CSMD1: variants seen among roughly 807,000 people sequenced by gnomAD.
CSMD1 encodes the protein CUB and Sushi multiple domains 1.
A neutral mutation model predicts 417.5 loss-of-function variants in CSMD1; 213 were observed. That is an observed-to-expected ratio of 0.51 (90% CI 0.46 to 0.57). CSMD1 has a LOEUF of 0.57. CSMD1 is among the 20% of genes least tolerant of loss of function. The probability of loss-of-function intolerance (pLI) is 0.00; values close to 1 mark genes in which losing one functional copy is unlikely to be tolerated. For missense variants in CSMD1, 6,923 were observed against 4,529.7 expected (o/e 1.53, Z -15.17); for synonymous variants, 2,862 against 1,736.8 (o/e 1.65, Z -16.11).
chr8:3,204,296 A>T (rs1797132107), intron 31 of CSMD1, among the ~76,000 whole-genome samples: 1 of 152,220 alleles, frequency 6.6e-6, no homozygotes, highest in Non-Finnish European at 1.5e-5. Flanking sequence ...AAAATCATAG[A>T]ATATGGCTGC....
chr8:4,809,134 A>G (rs1198476024), intron 1 of CSMD1, among the ~76,000 whole-genome samples: 3 of 152,232 alleles, frequency 2.0e-5, no homozygotes, highest in East Asian at 1.9e-4. Context: ...AGCCATAGCT[A>G]TTAATTCAGG....
At chr8:3,152,309 G>T (rs1819247023) in intron 39 of CSMD1, among the ~76,000 whole-genome samples, 1 of 152,218 alleles carries the variant, frequency 6.6e-6, no homozygotes, top group South Asian at 2.1e-4. Context: ...CGAAGCATTT[G>T]AAGTTCCAAT....
intron 6 of CSMD1, among the ~76,000 whole-genome samples, chr8:3,736,180 T>C (rs998101887): frequency 6.6e-6 from 1 of 152,210 alleles, no homozygotes; most frequent in Non-Finnish European, 1.5e-5. Context: ...TCTAATCATA[T>C]TCTATGTGTA....
At chr8:4,539,105 C>G (rs886117411) in intron 2 of CSMD1, among the ~76,000 whole-genome samples, 1 of 152,114 alleles carries the variant, frequency 6.6e-6, no homozygotes, top group Non-Finnish European at 1.5e-5. Flanking sequence ...TACATAATGA[C>G]CTTTAGCTTA....
At chr8:3,270,496 C>T (rs7010127) in intron 26 of CSMD1, among the ~76,000 whole-genome samples, 40,119 of 152,136 alleles carry the variant, frequency 0.26, 5,536 homozygotes, top group African/African-American at 0.32. Flanking sequence ...CATTGAACTT[C>T]ATAAAACTAT....
At chr8:4,302,006 A>G (rs1232037160) in intron 3 of CSMD1, among the ~76,000 whole-genome samples, 2 of 152,208 alleles carry the variant, frequency 1.3e-5, no homozygotes, top group Non-Finnish European at 2.9e-5. Context: ...ACAAGTTAAT[A>G]TGAGTTTATT....
At chr8:4,098,919 G>T (rs756512550) in intron 3 of CSMD1, among the ~76,000 whole-genome samples, 1 of 152,158 alleles carries the variant, frequency 6.6e-6, no homozygotes, top group African/African-American at 2.4e-5. Context: ...CAGTATTAGA[G>T]ACTGGGGTAC....
At chr8:3,886,702 T>C (rs768160966) in intron 5 of CSMD1, among the ~76,000 whole-genome samples, 3 of 152,186 alleles carry the variant, frequency 2.0e-5, no homozygotes, top group Admixed American at 6.5e-5. Flanking sequence ...TAGACACTTA[T>C]GGAAGTCTTA....
At chr8:3,951,538 G>T (rs1563246392) in intron 5 of CSMD1, among the ~76,000 whole-genome samples, 1 of 151,888 alleles carries the variant, frequency 6.6e-6, no homozygotes, top group East Asian at 1.9e-4. Flanking sequence ...TAAATATGAT[G>T]ATCTATCTAA....
At chr8:3,406,289 A>C in intron 14 of CSMD1, 68 bp from the exon 15 acceptor site, 1 of 1,289,178 alleles carries the variant, frequency 7.8e-7, no homozygotes, top group Non-Finnish European at 1.1e-6. Flanking sequence ...ATTAAAAAAG[A>C]AGAAAACAGA....
At chr8:4,295,742 G>GTC (rs1797641903) in intron 3 of CSMD1, among the ~76,000 whole-genome samples, 14 of 10,470 alleles carry the variant, frequency 1.3e-3, no homozygotes, top group Admixed American at 6.6e-3. Context: ...GTGTGTATAT[G>GTC]TGTGTGTGTA....
chr8:4,625,353 A>G (rs1209537889), intron 2 of CSMD1, among the ~76,000 whole-genome samples: 1 of 152,076 alleles, frequency 6.6e-6, no homozygotes, highest in African/African-American at 2.4e-5. Flanking sequence ...TTTCAGTGCA[A>G]AATGTAAATG....
intron 12 of CSMD1, among the ~76,000 whole-genome samples, chr8:3,445,590 C>G (rs904498318): frequency 6.6e-6 from 1 of 152,006 alleles, no homozygotes; most frequent in African/African-American, 2.4e-5. Flanking sequence ...ATCAGTGCAT[C>G]ACAGACCACA....
intron 3 of CSMD1, among the ~76,000 whole-genome samples, chr8:4,096,232 A>G (rs1164532318): frequency 2.6e-5 from 4 of 152,160 alleles, no homozygotes; most frequent in African/African-American, 9.7e-5. Context: ...ATAATAATAA[A>G]AAGCAACCGA....
At chr8:3,619,241 T>C (rs144800445) in intron 7 of CSMD1, among the ~76,000 whole-genome samples, 2 of 152,248 alleles carry the variant, frequency 1.3e-5, no homozygotes, top group Admixed American at 6.5e-5. Flanking sequence ...AGACAGGACA[T>C]GTACCCCCCA....
At chr8:4,814,524 G>A (rs879448684) in intron 1 of CSMD1, among the ~76,000 whole-genome samples, 3 of 152,148 alleles carry the variant, frequency 2.0e-5, no homozygotes, top group Non-Finnish European at 2.9e-5. Context: ...TGGGATTACA[G>A]GTATGAGGTA....
chr8:3,758,718 T>C (rs1351848442), intron 5 of CSMD1, among the ~76,000 whole-genome samples: 1 of 152,204 alleles, frequency 6.6e-6, no homozygotes, highest in African/African-American at 2.4e-5. Context: ...GAATCATACC[T>C]GCTACAGACA....
intron 43 of CSMD1, among the ~76,000 whole-genome samples, chr8:3,109,723 G>C (rs933402956): frequency 2.0e-4 from 30 of 151,466 alleles, no homozygotes; most frequent in Non-Finnish European, 3.4e-4. Flanking sequence ...GCTCCAACAA[G>C]AGTGCAGCCA....
At chr8:3,937,359 A>G (rs377588311) in intron 5 of CSMD1, among the ~76,000 whole-genome samples, 1 of 152,168 alleles carries the variant, frequency 6.6e-6, no homozygotes. Context: ...TTAAAGGAGG[A>G]ATCAACTGAC....
Sources: allele counts gnomAD v4.1 joint callset (sites outside exome capture counted in the v4.1 genomes callset), GRCh38; gene constraint gnomAD v4.1.1; transcripts MANE v1.5; gene names NCBI Gene and HGNC (gene_info 2026-07-23, HGNC 2026-07-21).